PRUNE2: variants seen among roughly 807,000 people sequenced by gnomAD.
The protein encoded by PRUNE2 is prune homolog 2 with BCH domain.
In PRUNE2, 164 loss-of-function variants were observed where a neutral mutation model predicts 252.0. The ratio of observed to expected loss-of-function variants is 0.65; its 90% CI spans 0.57 to 0.74. PRUNE2 has a LOEUF of 0.74. PRUNE2 is among the 30% of genes least tolerant of loss of function. PRUNE2 has a pLI of 0.00. For missense variants in PRUNE2, 3,495 were observed against 3,711.0 expected (o/e 0.94, Z 1.51); for synonymous variants, 1,292 against 1,350.2 (o/e 0.96, Z 0.94).
intron 4 of PRUNE2, among the ~76,000 whole-genome samples, chr9:76,833,514 C>A (rs1295733498): frequency 6.6e-6 from 1 of 152,038 alleles, no homozygotes; most frequent in African/African-American, 2.4e-5. Flanking sequence ...GCCTGTAATC[C>A]CCGCACTTTG....
chr9:76,676,591 A>C (rs1180764956), intron 9 of PRUNE2, among the ~76,000 whole-genome samples: 1 of 152,152 alleles, frequency 6.6e-6, no homozygotes, highest in Admixed American at 6.6e-5. Flanking sequence ...TGATTCACTT[A>C]CTTTTCTGTG....
At chr9:76,687,195 C>T (rs2044190441) in intron 9 of PRUNE2, among the ~76,000 whole-genome samples, 1 of 152,226 alleles carries the variant, frequency 6.6e-6, no homozygotes, top group Admixed American at 6.5e-5. Context: ...TCTAGCTCTC[C>T]TTTCATCTCC....
chr9:76,872,330 A>C (rs1034293461), intron 1 of PRUNE2, among the ~76,000 whole-genome samples: 1 of 152,184 alleles, frequency 6.6e-6, no homozygotes, highest in African/African-American at 2.4e-5. Flanking sequence ...CACAAAAGCC[A>C]GTCTTTTTTC....
At position 76,710,265 on chromosome 9, in the gene PRUNE2, G is replaced by A. The variant is rs543743813; in HGVS notation, c.2009C>T (p.Ala670Val). Residue 670 changes from alanine to valine, a missense_variant, in exon 8 of 19, where the codon GCG becomes GTG. Ala to Val is a moderately conservative substitution (Grantham distance 64). Transcript: ENST00000376718. ...LEIDSKNIAD[A>V]WSSSEQESVF... is the part of the protein sequence containing the mutation. ...AGATTCCTGTTCACTGGAACTCCAC[G>A]CATCTGCAATATTTTTGGAGTCAAT... 3.6e-5 allele frequency: 58 copies of A among 1,613,834 alleles called. No individual in the cohort carries two copies. Among genetic ancestry groups the A allele is most frequent in the Middle Eastern group, 1.6e-4 (1 of 6,062 alleles).
chr9:76,707,014 T>G lies in PRUNE2; in HGVS notation c.5260A>C (p.Asn1754His), dbSNP rs780281774. 1.2e-6 allele frequency: 2 copies of G among 1,613,916 alleles called. No individual in the cohort carries two copies. The highest frequency in any genetic ancestry group is 1.1e-5 in the South Asian group (1 of 91,090). The change falls in exon 8 of 19, where the codon AAC becomes CAC. Residue 1754 changes from asparagine to histidine, a missense_variant. Transcript: ENST00000376718. ...CTTTGTTGATTGTCACAGAATGGGTTTGACTTATTCTCATTCTCTGCTGGC... is the reference window on the plus strand; with the variant it reads ...CTTTGTTGATTGTCACAGAATGGGTGTGACTTATTCTCATTCTCTGCTGGC... ...SEPAENENKS[N>H]PFCDNQQSSP...
chr9:76,866,907 T>C (rs763359095), intron 1 of PRUNE2, among the ~76,000 whole-genome samples: 16 of 152,146 alleles, frequency 1.1e-4, no homozygotes, highest in Non-Finnish European at 2.2e-4. Context: ...TTCCGCCCGG[T>C]GCTGTGAACA....
At chr9:76,860,193 A>T (rs1018869435) in intron 1 of PRUNE2, among the ~76,000 whole-genome samples, 12 of 152,304 alleles carry the variant, frequency 7.9e-5, no homozygotes, top group African/African-American at 2.9e-4. Context: ...TATCTCAAAG[A>T]CCAGTTACTT....
Position 76,619,218 on chromosome 9 carries a change from G to C in PRUNE2, c.9236+122C>G, listed in dbSNP as rs542760202. 16 of 622,172 alleles carry C rather than the reference G, an allele frequency of 2.6e-5. No individual in the cohort carries two copies. The African/African-American group carries it at 2.8e-4, about 11-fold the overall frequency. The allele number at this position is 622,172 out of a possible 1,614,324, so 38.5% of individuals were successfully genotyped here. The stretch of plus-strand genomic sequence containing the variant: ...GCTTCAGGTTTCTAATTTCAGGAAT[G>C]GAGCACAGGAAAGCTGAACATCTAA... On this transcript the variant is annotated intron_variant, in intron 18 of 18. Coordinates refer to ENST00000376718, the MANE Select transcript of PRUNE2 (RefSeq NM_015225.3).
rs778964254 is a variant in PRUNE2, at chr9:76,655,486, C to T, written c.8293G>A (p.Val2765Ile). ...SRPNGLLSEDVGMDIPFEEGV... is the reference protein window; with the variant it reads ...SRPNGLLSEDIGMDIPFEEGV... ...TCTTCAAAGGGGATGTCCATTCCTA[C>T]ATCCTCTGACAGTAGTCTGCAAAAA... Residue 2765 changes from valine to isoleucine, a missense_variant, in exon 10 of 19, where the codon GTA (valine) becomes ATA (isoleucine). Physicochemically the swap from Val to Ile is conservative, Grantham distance 29. Coordinates refer to ENST00000376718, the MANE Select transcript of PRUNE2 (RefSeq NM_015225.3). 1 of 1,612,566 alleles carries T rather than the reference C, an allele frequency of 6.2e-7. No homozygotes were observed. The highest frequency in any genetic ancestry group is 8.5e-7 in the Non-Finnish European group (1 of 1,179,294).
At chr9:76,616,499 C>T (rs922158427) in intron 18 of PRUNE2, among the ~76,000 whole-genome samples, 3 of 152,152 alleles carry the variant, frequency 2.0e-5, no homozygotes, top group African/African-American at 7.2e-5. Flanking sequence ...GTCTTGGAAG[C>T]TTAAAAGAAC....
intron 1 of PRUNE2, chr9:76,868,837 T>TGGGGGGGGGGGG (rs111357062): frequency 1.8e-4 from 14 of 77,078 alleles, no homozygotes; most frequent in Non-Finnish European, 2.2e-4. Flanking sequence ...CCTTGGGGGG[T>TGGGGGGGGGGGG]GGGGGGGGGG....
chr9:76,897,061 AC>A (rs1305282516), intron 1 of PRUNE2, among the ~76,000 whole-genome samples: 1 of 152,172 alleles, frequency 6.6e-6, no homozygotes, highest in African/African-American at 2.4e-5. Context: ...ATGGCCTAAC[AC>A]CATGTTTTTC....
chr9:76,843,083 A>G (rs1161904992), intron 4 of PRUNE2, among the ~76,000 whole-genome samples: 1 of 152,218 alleles, frequency 6.6e-6, no homozygotes, highest in Non-Finnish European at 1.5e-5. Context: ...ATGCCCATCA[A>G]TGATAGACTG....
chr9:76,821,329 T>C (rs756442169), intron 6 of PRUNE2, among the ~76,000 whole-genome samples: 8 of 152,162 alleles, frequency 5.3e-5, no homozygotes, highest in Non-Finnish European at 1.0e-4. Flanking sequence ...ATTGTGAGGA[T>C]TCTGTCAATA....
intron 1 of PRUNE2, among the ~76,000 whole-genome samples, chr9:76,888,301 G>A (rs993808626): frequency 2.6e-5 from 4 of 152,192 alleles, no homozygotes; most frequent in Non-Finnish European, 5.9e-5. Context: ...AGATATGGCT[G>A]GGCACGGTGG....
At chr9:76,704,238 CATTT>C (rs2046137362) in intron 8 of PRUNE2, 139 bp from the exon 9 acceptor site, 3 of 306,338 alleles carry the variant, frequency 9.8e-6, no homozygotes, top group South Asian at 2.9e-4. Context: ...TTCATTCATT[CATTT>C]GAGACAGAGT....
At chr9:76,797,324 G>A (rs2056184510) in intron 6 of PRUNE2, among the ~76,000 whole-genome samples, 1 of 152,032 alleles carries the variant, frequency 6.6e-6, no homozygotes, top group South Asian at 2.1e-4. Flanking sequence ...ATACCAAATT[G>A]GCAATTACTT....
At chr9:76,673,172 A>G (rs1330822179) in intron 9 of PRUNE2, among the ~76,000 whole-genome samples, 8 of 152,178 alleles carry the variant, frequency 5.3e-5, no homozygotes, top group Admixed American at 2.0e-4. Flanking sequence ...CTAATGAAGA[A>G]AAAAAGAGAG....
In PRUNE2 at chr9:76,708,598, C is replaced by G; in HGVS notation, c.3676G>C (p.Asp1226His). 1 of 1,613,930 alleles carries G rather than the reference C, an allele frequency of 6.2e-7. No individual in the cohort carries two copies. Among genetic ancestry groups the G allele is most frequent in the Non-Finnish European group, 8.5e-7 (1 of 1,179,868 alleles). Residue 1226 changes from aspartate (D) to histidine (H), a missense_variant, in exon 8 of 19, where the codon GAT (aspartate) becomes CAT (histidine). Asp to His is a moderately conservative substitution (Grantham distance 81, BLOSUM62 -1). Transcript: ENST00000376718. ...ANSIWDSVMRDKDMSSFMLPG... is the reference protein window; with the variant it reads ...ANSIWDSVMRHKDMSSFMLPG... ...AACATGAATGATGACATGTCTTTAT[C>G]TCTCATGACAGAATCCCAAATACTG...
Sources: gnomAD v4.1 joint callset for allele counts (sites outside exome capture counted in the v4.1 genomes callset) on GRCh38, gnomAD v4.1.1 for gene constraint, MANE v1.5 for transcripts, NCBI Gene and HGNC (gene_info 2026-07-23, HGNC 2026-07-21) for gene names.